The following STAU2 variants were observed in gnomAD, a reference collection of about 807,000 sequenced individuals.
STAU2 encodes the protein staufen double-stranded RNA binding protein 2.
Under a neutral mutation model 65.9 loss-of-function variants are expected in STAU2, and 20 were observed. That is an observed-to-expected ratio of 0.30 (90% CI 0.21 to 0.44). The LOEUF is 0.44. STAU2 is among the 20% of genes least tolerant of loss of function. The pLI is 1.00. For missense variants in STAU2, 558 were observed against 683.9 expected, an observed-to-expected ratio of 0.82 and a Z score of 2.05; for synonymous variants, 232 against 233.9, an observed-to-expected ratio of 0.99 and a Z score of 0.07.
rs1241914099 is a variant in STAU2, at chr8:73,421,165, T to G, written c.*207A>C. 1.9e-6 allele frequency: 1 copy of G among 521,040 alleles called. No individual in the cohort carries two copies. Among genetic ancestry groups the G allele is most frequent in the Non-Finnish European group, 3.4e-6 (1 of 297,182 alleles). The allele number at this position is 521,040 out of a possible 1,614,324, so 32.3% of individuals were successfully genotyped here. ...TAGGCAAATGAGTTATGATCTGATC[T>G]CGAGTTCCAAGGGAAATGCTCAAAG... On this transcript the variant is annotated 3_prime_UTR_variant, in exon 15 of 15. Transcript: ENST00000524300.
chr8:73,704,842 T>C (rs1191153425), intron 4 of STAU2, among the ~76,000 whole-genome samples: 2 of 152,104 alleles, frequency 1.3e-5, no homozygotes, highest in African/African-American at 4.8e-5. Flanking sequence ...CTAATTTTTG[T>C]AGTTTTAGTA....
At chr8:73,575,143 A>G (rs1262815432) in intron 12 of STAU2, among the ~76,000 whole-genome samples, 1 of 142,972 alleles carries the variant, frequency 7.0e-6, no homozygotes, top group Non-Finnish European at 1.5e-5. Context: ...AAAAAAAAAA[A>G]GAGAGAAAAA....
chr8:73,463,824 T>C (rs1327461773), intron 13 of STAU2, among the ~76,000 whole-genome samples: 2 of 152,230 alleles, frequency 1.3e-5, no homozygotes, highest in Non-Finnish European at 2.9e-5. Context: ...CAGGACGAGA[T>C]AAGGACAGTA....
chr8:73,596,619 T>C (rs546479229), intron 10 of STAU2, among the ~76,000 whole-genome samples: 1 of 152,178 alleles, frequency 6.6e-6, no homozygotes, highest in East Asian at 1.9e-4. Flanking sequence ...ATTCCAACAC[T>C]AGGAGGATTG....
rs370862414 is a variant in STAU2 at position 73,674,787 on chromosome 8, A to G, written c.275-1545T>C. Among the ~76,000 whole-genome samples, 5 of 151,864 alleles carry G rather than the reference A, an allele frequency of 3.3e-5. No individual in the cohort carries two copies. The East Asian group carries it at 9.6e-4, about 29-fold the overall frequency. ...TTTTAGCATAAAGAGACACAAATAT[A>G]AAATCAAACACACTACCTAAAACCC... is the stretch of plus-strand genomic sequence containing the variant. On this transcript the variant is annotated intron_variant, in intron 5 of 14. Transcript: ENST00000524300.
chr8:73,481,229 C>A (rs1006301426), intron 13 of STAU2, among the ~76,000 whole-genome samples: 1 of 152,018 alleles, frequency 6.6e-6, no homozygotes, highest in Non-Finnish European at 1.5e-5. Flanking sequence ...CTTCACCACA[C>A]ACATTTTTAC....
In STAU2 at chr8:73,615,735, C is replaced by G; in HGVS notation, c.618G>C (p.Lys206Asn). Residue 206 changes from lysine to asparagine, a missense_variant, in exon 8 of 15, where the codon AAG becomes AAC. Physicochemically the swap from Lys to Asn is moderately conservative, Grantham distance 94. This residue lies in a region of STAU2 where 199 missense variants were observed against 299.5 expected (regional missense o/e 0.66). Coordinates refer to ENST00000524300, the MANE Select transcript of STAU2 (RefSeq NM_001164380.2). ...TTTCAAACACTAAGCTGATCTCAGA[C>G]TTATTTGCATCTTTGTCATCATCCA... ...KDVDDDKDAN[K>N]SEISLVFEIA... is the part of the protein sequence containing the mutation. 1 of 1,613,800 alleles carries G rather than the reference C, an allele frequency of 6.2e-7. No individual in the cohort carries two copies. The highest frequency in any genetic ancestry group is 8.5e-7 in the Non-Finnish European group (1 of 1,179,936).
At chr8:73,434,128 A>C (rs1817526444) in intron 13 of STAU2, among the ~76,000 whole-genome samples, 1 of 151,778 alleles carries the variant, frequency 6.6e-6, no homozygotes, top group Admixed American at 6.6e-5. Context: ...GTGGTCAGAG[A>C]GAAAGATGTG....
At chr8:73,621,835 G>C (rs564230448) in intron 6 of STAU2, among the ~76,000 whole-genome samples, 10 of 152,214 alleles carry the variant, frequency 6.6e-5, no homozygotes, top group Admixed American at 1.3e-4. Flanking sequence ...GCACGATAAA[G>C]GTCCAGGATT....
intron 9 of STAU2, among the ~76,000 whole-genome samples, chr8:73,607,336 T>C (rs976064651): frequency 7.2e-5 from 11 of 152,324 alleles, no homozygotes; most frequent in African/African-American, 2.6e-4. Context: ...AAATGTTTTA[T>C]ACTCAAGTTG....
intron 13 of STAU2, among the ~76,000 whole-genome samples, chr8:73,534,064 A>G (rs1806019426): frequency 6.6e-6 from 1 of 152,246 alleles, no homozygotes; most frequent in Non-Finnish European, 1.5e-5. Flanking sequence ...TCATTAAGGT[A>G]TGTGATACAT....
At chr8:73,457,977 C>T (rs1819160340) in intron 13 of STAU2, among the ~76,000 whole-genome samples, 3 of 152,154 alleles carry the variant, frequency 2.0e-5, no homozygotes, top group South Asian at 2.1e-4. Context: ...AAGGCCATAG[C>T]TACTTACCAA....
chr8:73,596,046 A>C (rs568896961), intron 10 of STAU2, among the ~76,000 whole-genome samples: 1 of 151,270 alleles, frequency 6.6e-6, no homozygotes, highest in East Asian at 2.0e-4. Flanking sequence ...CAGTAAGTAG[A>C]GGTTGCAGTG....
chr8:73,582,277 G>A (rs373575343), intron 12 of STAU2, among the ~76,000 whole-genome samples: 1 of 151,546 alleles, frequency 6.6e-6, no homozygotes, highest in African/African-American at 2.4e-5. Context: ...TCAGCAAAAC[G>A]CAAAAAATGC....
At chr8:73,581,814 A>G (rs1810006362) in intron 12 of STAU2, among the ~76,000 whole-genome samples, 1 of 152,204 alleles carries the variant, frequency 6.6e-6, no homozygotes, top group African/African-American at 2.4e-5. Context: ...CAAGAATTCA[A>G]TTCTTATGAG....
intron 13 of STAU2, among the ~76,000 whole-genome samples, chr8:73,436,101 C>A (rs1288853065): frequency 6.6e-6 from 1 of 151,936 alleles, no homozygotes; most frequent in Non-Finnish European, 1.5e-5. Flanking sequence ...ATTGATAAAA[C>A]CTTACATTAC....
chr8:73,552,100 C>A lies in STAU2; in HGVS notation c.1442G>T (p.Gly481Val), dbSNP rs1270941229. 1 of 1,613,604 alleles carries A rather than the reference C, an allele frequency of 6.2e-7. No homozygotes were observed. The highest frequency in any genetic ancestry group is 1.7e-4 in the Middle Eastern group (1 of 6,056). ...NGTSSTAEAI[G>V]LKGSSPTPPC... ...GGGAGTAGGAGAACTTCCTTTTAAA[C>A]CTATGGCTTCAGCTGTAGAAGATGT... The change falls in exon 13 of 15, where the codon GGT becomes GTT. Residue 481 changes from glycine (G) to valine (V), a missense_variant. Physicochemically the swap from Gly to Val is moderately radical, Grantham distance 109. Transcript: ENST00000524300.
intron 13 of STAU2, among the ~76,000 whole-genome samples, chr8:73,487,252 T>C (rs763296927): frequency 5.3e-5 from 8 of 152,064 alleles, no homozygotes; most frequent in Non-Finnish European, 2.9e-5. Flanking sequence ...CAGAATTACC[T>C]CTAGGAAGGA....
chr8:73,569,757 G>A (rs1808899943), intron 12 of STAU2, among the ~76,000 whole-genome samples: 1 of 152,112 alleles, frequency 6.6e-6, no homozygotes, highest in Admixed American at 6.5e-5. Context: ...CCTGACTGTT[G>A]GAAGGAAAAC....
Sources: allele counts gnomAD v4.1 joint callset (sites outside exome capture counted in the v4.1 genomes callset), GRCh38; gene constraint gnomAD v4.1.1; regional missense constraint gnomAD v4.1.1; transcripts MANE v1.5; gene names NCBI Gene and HGNC (gene_info 2026-07-23, HGNC 2026-07-21).